ANO2: variants seen among roughly 807,000 people sequenced by gnomAD.
The protein encoded by ANO2 is anoctamin 2, also known as anoctamin-2.
ANO2 carries 101 observed loss-of-function variants against 124.2 expected under a neutral mutation model. That is an observed-to-expected ratio of 0.81 (90% CI 0.69 to 0.96). ANO2 has a LOEUF of 0.96. Ranked by LOEUF, ANO2 falls within the 40% of genes least tolerant of loss-of-function variation. ANO2 has a pLI of 0.00. For missense variants in ANO2, 1,293 were observed against 1,274.5 expected (o/e 1.01, Z -0.22); for synonymous variants, 486 against 482.5 (o/e 1.01, Z -0.09).
At chr12:5,795,564 C>CT (rs1230591073) in intron 10 of ANO2, among the ~76,000 whole-genome samples, 2 of 152,224 alleles carry the variant, frequency 1.3e-5, no homozygotes. Flanking sequence ...CTAGAACCCT[C>CT]TCTTTCCCAT....
At chr12:5,714,987 T>A (rs1949964273) in intron 14 of ANO2, among the ~76,000 whole-genome samples, 1 of 152,190 alleles carries the variant, frequency 6.6e-6, no homozygotes, top group South Asian at 2.1e-4. Context: ...GGGAGTTCAC[T>A]GTCAAATGAA....
intron 3 of ANO2, among the ~76,000 whole-genome samples, chr12:5,905,218 C>T (rs1305776293): frequency 6.6e-6 from 1 of 152,118 alleles, no homozygotes; most frequent in Non-Finnish European, 1.5e-5. Flanking sequence ...CCGTGTGGCA[C>T]CTGGAGCCAC....
At chr12:5,724,533 T>C (rs767401974) in intron 14 of ANO2, among the ~76,000 whole-genome samples, 2 of 152,236 alleles carry the variant, frequency 1.3e-5, no homozygotes, top group African/African-American at 2.4e-5. Flanking sequence ...GTTGCTGTTG[T>C]CACAGCCTCC....
chr12:5,718,491 C>T (rs1488001866), intron 14 of ANO2, among the ~76,000 whole-genome samples: 2 of 152,186 alleles, frequency 1.3e-5, no homozygotes, highest in Non-Finnish European at 2.9e-5. Flanking sequence ...CTGGAGTCTG[C>T]TTTGGAGATG....
Position 5,908,850 on chromosome 12 carries a change from G to A in ANO2, c.534+12190C>T, listed in dbSNP as rs1940864958. ...ACAGAATAGGGAAGGCAGGGAATAA[G>A]TGGGGTGCACCATTGCTTGTATTGG... On this transcript the variant is annotated intron_variant, in intron 3 of 24. Transcript: ENST00000682330. The surrounding 1 kb of genome is among the most constrained non-coding windows in gnomAD (Gnocchi z 4.7). Among the ~76,000 whole-genome samples, 1 of 152,226 alleles carries A rather than the reference G, an allele frequency of 6.6e-6. No homozygotes were observed. The highest frequency in any genetic ancestry group is 1.5e-5 in the Non-Finnish European group (1 of 68,042).
intron 15 of ANO2, among the ~76,000 whole-genome samples, chr12:5,639,646 A>G (rs372533433): frequency 6.6e-5 from 10 of 152,278 alleles, no homozygotes; most frequent in African/African-American, 2.4e-4. Context: ...TCAGGCAGGC[A>G]GTGGCTGACA....
At chr12:5,791,141 G>A (rs1423465645) in intron 10 of ANO2, among the ~76,000 whole-genome samples, 1 of 152,148 alleles carries the variant, frequency 6.6e-6, no homozygotes, top group African/African-American at 2.4e-5. Flanking sequence ...AACCGTGGAA[G>A]CGTCTTACTT....
intron 3 of ANO2, among the ~76,000 whole-genome samples, chr12:5,909,477 A>T (rs763821703): frequency 2.6e-5 from 4 of 152,188 alleles, no homozygotes; most frequent in Non-Finnish European, 4.4e-5. Flanking sequence ...CCCTGATTTC[A>T]CACCCAACCT....
Position 5,900,544 on chromosome 12 carries a change from C to T in ANO2, c.534+20496G>A, listed in dbSNP as rs1300135441. Reference sequence around the variant, plus strand: ...CTCTTTCTGAGTCATCGAGGGCTTACCATAAAATAAAATGGAAAACAACAA... The same window carrying T: ...CTCTTTCTGAGTCATCGAGGGCTTATCATAAAATAAAATGGAAAACAACAA... On this transcript the variant is annotated intron_variant, in intron 3 of 24. Coordinates refer to ENST00000682330, the MANE Select transcript of ANO2 (RefSeq NM_001364791.2). The surrounding 1 kb of genome is among the most constrained non-coding windows in gnomAD (Gnocchi z 4.2). Among the ~76,000 whole-genome samples, 12 of 151,962 alleles carry T rather than the reference C, an allele frequency of 7.9e-5. No homozygotes were observed. Among genetic ancestry groups the T allele is most frequent in the Admixed American group, 7.2e-4 (11 of 15,252 alleles).
In ANO2 at chr12:5,599,606, T is replaced by C; in HGVS notation, c.2111A>G (p.Lys704Arg). The C allele has an allele frequency of 6.2e-7, 1 of 1,613,808 alleles. No individual in the cohort carries two copies. Among genetic ancestry groups the C allele is most frequent in the South Asian group, 1.1e-5 (1 of 91,000 alleles). Residue 704 changes from lysine to arginine, a missense_variant, in exon 20 of 25, where the codon AAG becomes AGG. Coordinates refer to ENST00000682330, the MANE Select transcript of ANO2 (RefSeq NM_001364791.2). Reference protein sequence around the residue: ...GVPKLKKLFRKLKDETEAGET... With the variant: ...GVPKLKKLFRRLKDETEAGET... Reference sequence around the variant, plus strand: ...TCCAGCTTCGGTCTCATCTTTCAGCTTTCGAAATAGTTTCTTTAGCTTCCT... The same window carrying C: ...TCCAGCTTCGGTCTCATCTTTCAGCCTTCGAAATAGTTTCTTTAGCTTCCT...
At chr12:5,613,434 T>C (rs191062330) in intron 17 of ANO2, among the ~76,000 whole-genome samples, 57 of 152,328 alleles carry the variant, frequency 3.7e-4, no homozygotes, top group African/African-American at 1.3e-3. Flanking sequence ...AAATCTTGAC[T>C]TCTTGCTGAA....
intron 10 of ANO2, among the ~76,000 whole-genome samples, chr12:5,766,660 C>G (rs1438060276): frequency 3.9e-5 from 6 of 152,104 alleles, no homozygotes; most frequent in Non-Finnish European, 1.5e-5. Flanking sequence ...GGCACACACA[C>G]CTTTCTATCT....
chr12:5,682,556 T>A (rs1203776023), intron 14 of ANO2, among the ~76,000 whole-genome samples: 1 of 152,196 alleles, frequency 6.6e-6, no homozygotes, highest in African/African-American at 2.4e-5. Flanking sequence ...CTGCAGTTCA[T>A]GCTGTTCAGT....
At chr12:5,680,458 C>T (rs776092971) in intron 14 of ANO2, among the ~76,000 whole-genome samples, 4 of 152,062 alleles carry the variant, frequency 2.6e-5, no homozygotes, top group Non-Finnish European at 1.5e-5. Flanking sequence ...AATGCAAGTG[C>T]TTTGGTAGGA....
intron 9 of ANO2, among the ~76,000 whole-genome samples, chr12:5,805,616 G>A (rs1336537875): frequency 6.6e-6 from 1 of 152,200 alleles, no homozygotes; most frequent in Admixed American, 6.5e-5. Flanking sequence ...ATCATCACAT[G>A]TTTTAAGCAA....
rs2137144108 is a variant in ANO2 at position 5,787,871 on chromosome 12, T to C, written c.1055+11636A>G. The stretch of plus-strand genomic sequence containing the variant: ...GTCTCCCCTGCTAGGTCATAAGCTC[T>C]GTGAGGCCAGACCCAGCTGGACCAT... On this transcript the variant is annotated intron_variant, in intron 10 of 24. Coordinates refer to ENST00000682330, the MANE Select transcript of ANO2 (RefSeq NM_001364791.2). This position sits in a 1 kb window ranked among gnomAD's most constrained non-coding sequence, Gnocchi z 4.2. Among the ~76,000 whole-genome samples, 1 of 152,308 alleles carries C rather than the reference T, an allele frequency of 6.6e-6. No individual in the cohort carries two copies. The highest frequency in any genetic ancestry group is 2.1e-4 in the South Asian group (1 of 4,826).
chr12:5,700,267 G>C (rs1949349782), intron 14 of ANO2, among the ~76,000 whole-genome samples: 1 of 152,162 alleles, frequency 6.6e-6, no homozygotes, highest in African/African-American at 2.4e-5. Flanking sequence ...AATCAAACTA[G>C]AACTCAGGAT....
chr12:5,839,028 A>C (rs768606003), intron 4 of ANO2, among the ~76,000 whole-genome samples: 1 of 152,186 alleles, frequency 6.6e-6, no homozygotes. Flanking sequence ...AACAACCAAA[A>C]CACCCAAACA....
At chr12:5,754,638 A>G (rs1452417179) in intron 10 of ANO2, among the ~76,000 whole-genome samples, 1 of 152,108 alleles carries the variant, frequency 6.6e-6, no homozygotes, top group Non-Finnish European at 1.5e-5. Context: ...TGGTCTGTAC[A>G]GGCTTCCTAT....
Sources: gnomAD v4.1 joint callset for allele counts (sites outside exome capture counted in the v4.1 genomes callset) on GRCh38, gnomAD v4.1.1 for gene constraint, Gnocchi (gnomAD v3.1) non-coding constraint, MANE v1.5 for transcripts, NCBI Gene and HGNC (gene_info 2026-07-23, HGNC 2026-07-21) for gene names.